Variants in TMEM114 observed in about 807,000 individuals in gnomAD.
The protein encoded by TMEM114 is transmembrane protein 114.
Under a neutral mutation model 6.2 loss-of-function variants are expected in TMEM114, and 6 were observed. The ratio of observed to expected loss-of-function variants is 0.97; its 90% CI spans 0.53 to 1.91. The LOEUF is 1.91. TMEM114 is among the 40% of genes most tolerant of loss of function. The probability of loss-of-function intolerance (pLI) is 0.01; values close to 1 mark genes in which losing one functional copy is unlikely to be tolerated. For synonymous variants in TMEM114, 104 were observed against 73.0 expected (o/e 1.42, Z -2.16); for missense variants, 218 against 158.3 (o/e 1.38, Z -2.02).
intron 2 of TMEM114, among the ~76,000 whole-genome samples, chr16:8,584,713 G>A (rs1902259949): frequency 6.6e-6 from 1 of 152,048 alleles, no homozygotes; most frequent in South Asian, 2.1e-4. Flanking sequence ...CCTGAGGTCA[G>A]GAGTTTGAGA....
At chr16:8,575,208 C>A (rs1167457436) in intron 2 of TMEM114, among the ~76,000 whole-genome samples, 1 of 152,194 alleles carries the variant, frequency 6.6e-6, no homozygotes, top group Non-Finnish European at 1.5e-5. Flanking sequence ...GGACAAATGA[C>A]TGGACCACTC....
At chr16:8,534,803 C>T (rs1317672009), downstream of TMEM114, among the ~76,000 whole-genome samples, 2 of 152,216 alleles carry the variant, frequency 1.3e-5, no homozygotes, top group African/African-American at 2.4e-5. Context: ...GGTTGTACTC[C>T]TAGATACTGG....
At chr16:8,526,643 C>T in the TMEM114 span, 1 of 152,384 alleles carries the variant, frequency 6.6e-6, no homozygotes, top group South Asian at 2.0e-4. Context: ...CCTGAGGGCT[C>T]CCCAGAAGCA....
At chr16:8,546,946 G>C (rs896022647) in intron 2 of TMEM114, among the ~76,000 whole-genome samples, 3 of 152,316 alleles carry the variant, frequency 2.0e-5, no homozygotes, top group African/African-American at 7.2e-5. Context: ...AAAGCTAGCT[G>C]GGAGGACAGG....
At chr16:8,567,467 A>G (rs1328050287), downstream of TMEM114, among the ~76,000 whole-genome samples, 1 of 152,192 alleles carries the variant, frequency 6.6e-6, no homozygotes, top group African/African-American at 2.4e-5. Context: ...AGGTGCACAC[A>G]TGTTTTGGTT....
At chr16:8,528,090 G>A in the TMEM114 span, among the ~76,000 whole-genome samples, 2 of 151,848 alleles carry the variant, frequency 1.3e-5, no homozygotes, top group Non-Finnish European at 2.9e-5. Flanking sequence ...TGGTAGAGAT[G>A]GGATTTCGCC....
chr16:8,549,764 A>C (rs1313400498), intron 2 of TMEM114, among the ~76,000 whole-genome samples: 1 of 152,182 alleles, frequency 6.6e-6, no homozygotes, highest in Admixed American at 6.5e-5. Flanking sequence ...AAGAGTAAGT[A>C]ACAGAACTTC....
At chr16:8,548,717 A>T (rs562761590) in intron 2 of TMEM114, among the ~76,000 whole-genome samples, 2 of 128,270 alleles carry the variant, frequency 1.6e-5, no homozygotes, top group East Asian at 3.9e-4. Flanking sequence ...CAGAAAAAAA[A>T]TACACCCATA....
downstream of TMEM114, among the ~76,000 whole-genome samples, chr16:8,532,643 G>C (rs1290193345): frequency 6.6e-6 from 1 of 152,174 alleles, no homozygotes; most frequent in South Asian, 2.1e-4. Flanking sequence ...TAATCATTCA[G>C]GCCAGGCACA....
intron 2 of TMEM114, among the ~76,000 whole-genome samples, chr16:8,560,684 C>A (rs1901170087): frequency 6.6e-6 from 1 of 152,170 alleles, no homozygotes; most frequent in African/African-American, 2.4e-5. Context: ...GGGCCTCAGG[C>A]TCCTGTCTGT....
At chr16:8,577,611 T>C (rs1339175768) in intron 2 of TMEM114, among the ~76,000 whole-genome samples, 1 of 151,742 alleles carries the variant, frequency 6.6e-6, no homozygotes. Context: ...TGAGATTGAG[T>C]CTCGCTCTGT....
At chr16:8,532,591 G>C in the TMEM114 span, among the ~76,000 whole-genome samples, 511 of 152,276 alleles carry the variant, frequency 3.4e-3, 1 homozygote, top group East Asian at 0.035. Flanking sequence ...CTGTATTCCA[G>C]ATGCTCAACC....
chr16:8,577,411 G>C (rs1901978613), intron 2 of TMEM114, among the ~76,000 whole-genome samples: 1 of 152,116 alleles, frequency 6.6e-6, no homozygotes, highest in African/African-American at 2.4e-5. Flanking sequence ...AAGGATCTTG[G>C]GTCTGAGGCC....
intron 2 of TMEM114, among the ~76,000 whole-genome samples, chr16:8,577,615 G>A (rs1404533900): frequency 2.7e-5 from 4 of 149,408 alleles, no homozygotes; most frequent in Non-Finnish European, 5.9e-5. Context: ...ATTGAGTCTC[G>A]CTCTGTCACC....
chr16:8,572,352 T>A, intron 2 of TMEM114, 128 bp from the exon 3 acceptor site: 1 of 967,816 alleles, frequency 1.0e-6, no homozygotes, highest in East Asian at 2.6e-5. Flanking sequence ...CTACGACGAT[T>A]ACTTCTACTG....
intron 2 of TMEM114, among the ~76,000 whole-genome samples, chr16:8,544,920 T>TTCTCTCTCTCTC (rs144585319): frequency 7.2e-4 from 106 of 147,948 alleles, no homozygotes; most frequent in African/African-American, 2.5e-3. Flanking sequence ...CTCAACATCT[T>TTCTCTCTCTCTC]TCTCTCTCTC....
intron 2 of TMEM114, among the ~76,000 whole-genome samples, chr16:8,558,022 G>A (rs2141665656): frequency 6.6e-6 from 1 of 152,280 alleles, no homozygotes; most frequent in Non-Finnish European, 1.5e-5. Flanking sequence ...GGGAGGCTAA[G>A]GCAGGCGGAT....
chr16:8,588,286 CAAAA>C (rs1192746678), intron 2 of TMEM114, among the ~76,000 whole-genome samples: 2 of 134,426 alleles, frequency 1.5e-5, no homozygotes, highest in African/African-American at 5.5e-5. Context: ...GACCCTGTCT[CAAAA>C]AAAAAAAAAA....
At chr16:8,575,589 C>G (rs1901893528) in intron 2 of TMEM114, among the ~76,000 whole-genome samples, 1 of 152,180 alleles carries the variant, frequency 6.6e-6, no homozygotes, top group African/African-American at 2.4e-5. Context: ...CACCAGGGTT[C>G]CAATGTCAGC....
Sources: allele counts gnomAD v4.1 joint callset (sites outside exome capture counted in the v4.1 genomes callset), GRCh38; gene constraint gnomAD v4.1.1; transcripts MANE v1.5; gene names NCBI Gene and HGNC (gene_info 2026-07-23, HGNC 2026-07-21).